NUDT3: variants seen among roughly 807,000 people sequenced by gnomAD.
NUDT3 encodes the protein diphosphoinositol polyphosphate phosphohydrolase 1.
In NUDT3, 9 loss-of-function variants were observed where a neutral mutation model predicts 23.6. The observed-to-expected ratio is 0.38, with a 90% confidence interval of 0.23 to 0.66. The LOEUF (loss-of-function observed/expected upper bound fraction) is 0.66. Among genes scored for constraint, NUDT3 ranks in the 30% least tolerant of loss-of-function variants. The pLI is 0.52. For synonymous variants in NUDT3, 86 were observed against 82.6 expected (o/e 1.04, Z -0.22); for missense variants, 172 against 218.5 (o/e 0.79, Z 1.34).
At chr6:34,344,136 T>C (rs1327838200) in intron 1 of NUDT3, among the ~76,000 whole-genome samples, 1 of 152,188 alleles carries the variant, frequency 6.6e-6, no homozygotes, top group East Asian at 1.9e-4. Flanking sequence ...AATTTGGTTG[T>C]TCCTCAGTAA....
chr6:34,372,765 T>C (rs970128046), intron 1 of NUDT3, among the ~76,000 whole-genome samples: 4 of 150,820 alleles, frequency 2.7e-5, no homozygotes, highest in African/African-American at 4.9e-5. Context: ...GATCATGCCA[T>C]TGCACTCCAG....
In NUDT3 at chr6:34,288,643, C is replaced by T. The variant is rs766507608; in HGVS notation, c.*110G>A. On this transcript the variant is annotated 3_prime_UTR_variant, in exon 5 of 5. Coordinates refer to ENST00000607016, the MANE Select transcript of NUDT3 (RefSeq NM_006703.4). ...CACCCTTTCTTTGCTGCCCACCATG[C>T]CTTATTTGAAAGAGGAGGCCTGTGA... 2.6e-4 allele frequency: 367 copies of T among 1,402,790 alleles called. No homozygotes were observed. Among genetic ancestry groups the T allele is most frequent in the Non-Finnish European group, 3.2e-4 (333 of 1,042,810 alleles). The allele number at this position is 1,402,790 out of a possible 1,614,324, so 86.9% of individuals were successfully genotyped here. A position where few individuals can be genotyped will look rare whatever the true frequency, so the allele number is the denominator to read the frequency against.
At chr6:34,366,803 C>A (rs991141874) in intron 1 of NUDT3, among the ~76,000 whole-genome samples, 1 of 152,058 alleles carries the variant, frequency 6.6e-6, no homozygotes, top group Non-Finnish European at 1.5e-5. Context: ...GACAGTTGCA[C>A]AACAATGTGA....
intron 2 of NUDT3, among the ~76,000 whole-genome samples, chr6:34,298,528 T>C (rs1056869607): frequency 6.6e-6 from 1 of 151,208 alleles, no homozygotes; most frequent in African/African-American, 2.5e-5. Context: ...CTAGTGTAAA[T>C]CAAATTATGC....
rs1400013384 is a variant in NUDT3 at position 34,285,780 on chromosome 6, G to A, written c.*2973C>T. ...ACTGTGCCAAGGAGGGAAAATCCCA[G>A]ATCATCAGAATCCCAGTGCAACAGA... On this transcript the variant is annotated 3_prime_UTR_variant, in exon 5 of 5. Transcript: ENST00000607016. 6.6e-6 allele frequency: 1 copy of A among 152,222 alleles called. No homozygotes were observed. Among genetic ancestry groups the A allele is most frequent in the African/African-American group, 2.4e-5 (1 of 41,460 alleles). The allele number at this position is 152,222 out of a possible 1,614,324, so 9.4% of individuals were successfully genotyped here. A position where few individuals can be genotyped will look rare whatever the true frequency, so the allele number is the denominator to read the frequency against.
At chr6:34,361,029 T>C (rs1371023384) in intron 1 of NUDT3, among the ~76,000 whole-genome samples, 1 of 152,054 alleles carries the variant, frequency 6.6e-6, no homozygotes, top group Non-Finnish European at 1.5e-5. Flanking sequence ...TTGACATCAC[T>C]CTGGGCAACA....
intron 1 of NUDT3, among the ~76,000 whole-genome samples, chr6:34,361,589 C>T (rs1485012942): frequency 6.6e-6 from 1 of 152,194 alleles, no homozygotes; most frequent in African/African-American, 2.4e-5. Context: ...TTTATAGCAG[C>T]TTTATTCATA....
intron 2 of NUDT3, among the ~76,000 whole-genome samples, chr6:34,297,959 A>C (rs2113698469): frequency 6.6e-6 from 1 of 151,530 alleles, no homozygotes; most frequent in Middle Eastern, 3.4e-3. Context: ...TAGTCTCTTT[A>C]GCAGCTACTA....
intron 1 of NUDT3, among the ~76,000 whole-genome samples, chr6:34,369,444 T>A (rs1344731193): frequency 6.6e-5 from 10 of 152,230 alleles, no homozygotes; most frequent in Non-Finnish European, 1.2e-4. Flanking sequence ...TTAAGACTTG[T>A]GTCAGACTTT....
At chr6:34,351,121 G>A (rs1294493401) in intron 1 of NUDT3, among the ~76,000 whole-genome samples, 1 of 137,876 alleles carries the variant, frequency 7.3e-6, no homozygotes, top group Non-Finnish European at 1.5e-5. Context: ...AGGCTGAGGT[G>A]GGGGTATCAC....
At chr6:34,375,630 C>T (rs891044176) in intron 1 of NUDT3, among the ~76,000 whole-genome samples, 3 of 152,186 alleles carry the variant, frequency 2.0e-5, no homozygotes, top group Non-Finnish European at 2.9e-5. Flanking sequence ...CTCTCCTTCT[C>T]AGAATAGATC....
chr6:34,343,854 T>C (rs1260149547), intron 1 of NUDT3, among the ~76,000 whole-genome samples: 2 of 152,082 alleles, frequency 1.3e-5, no homozygotes. Context: ...TTAATACAGG[T>C]CCAGTATCTA....
chr6:34,380,292 T>C (rs1297004663), intron 1 of NUDT3, among the ~76,000 whole-genome samples: 1 of 151,906 alleles, frequency 6.6e-6, no homozygotes, highest in Non-Finnish European at 1.5e-5. Flanking sequence ...CCTCAGGTGA[T>C]CCACCCTCCT....
chr6:34,298,398 C>T (rs976839437), intron 2 of NUDT3, among the ~76,000 whole-genome samples: 9 of 152,074 alleles, frequency 5.9e-5, no homozygotes, highest in South Asian at 2.1e-4. Flanking sequence ...CACAAAATTT[C>T]GTTTAATAAT....
chr6:34,291,115 C>T (rs1486231769), intron 4 of NUDT3, among the ~76,000 whole-genome samples: 2 of 151,980 alleles, frequency 1.3e-5, no homozygotes, highest in Non-Finnish European at 2.9e-5. Flanking sequence ...CACACCACCA[C>T]GCCCAGCTAA....
intron 2 of NUDT3, among the ~76,000 whole-genome samples, chr6:34,300,989 A>T (rs138488127): frequency 6.6e-6 from 1 of 152,220 alleles, no homozygotes; most frequent in Non-Finnish European, 1.5e-5. Flanking sequence ...TCTCTACTGA[A>T]TTTAAAAAAG....
intron 1 of NUDT3, among the ~76,000 whole-genome samples, chr6:34,351,198 T>TTAAAAAAAAAAAAAAAA (rs1764462307): frequency 3.4e-4 from 6 of 17,892 alleles, no homozygotes; most frequent in Non-Finnish European, 2.3e-4. Flanking sequence ...CTCCCCTGCC[T>TTAAAAAAAAAAAAAAAA]AAAAAAAAAA....
intron 2 of NUDT3, among the ~76,000 whole-genome samples, chr6:34,308,115 GTC>G (rs1445584731): frequency 2.1e-5 from 1 of 48,720 alleles, no homozygotes; most frequent in Non-Finnish European, 3.7e-5. Context: ...GAGAAACTCT[GTC>G]TCAAAAAAAA....
intron 2 of NUDT3, among the ~76,000 whole-genome samples, chr6:34,302,845 T>C (rs1763621035): frequency 6.6e-6 from 1 of 152,234 alleles, no homozygotes; most frequent in Non-Finnish European, 1.5e-5. Context: ...CCATCTGTAA[T>C]TTATTTCCAA....
Sources: gnomAD v4.1 joint callset for allele counts (sites outside exome capture counted in the v4.1 genomes callset) on GRCh38, gnomAD v4.1.1 for gene constraint, MANE v1.5 for transcripts, NCBI Gene and HGNC (gene_info 2026-07-23, HGNC 2026-07-21) for gene names.